The following SLC5A12 variants were observed in gnomAD, a reference collection of about 807,000 sequenced individuals.
SLC5A12 encodes solute carrier family 5 member 12, also known as sodium-coupled monocarboxylate transporter 2.
SLC5A12 carries 46 observed loss-of-function variants against 72.7 expected under a neutral mutation model. The observed-to-expected ratio is 0.63, with a 90% CI of 0.50 to 0.81. The LOEUF (loss-of-function observed/expected upper bound fraction) is 0.81. Among genes scored for constraint, SLC5A12 ranks in the 30% least tolerant of loss-of-function variants. The pLI is 0.00. For synonymous variants in SLC5A12, 275 were observed against 264.4 expected (o/e 1.04, Z -0.39); for missense variants, 683 against 740.7 (o/e 0.92, Z 0.90).
rs905384581 is a variant in SLC5A12 at position 26,670,560 on chromosome 11, T to A, written c.*542A>T. Reference sequence around the variant, plus strand: ...ACCTGACAGTGGTGGTGAAGGGAGGTTAATAGTAGTTGTATGCCAATTGTA... The same window carrying A: ...ACCTGACAGTGGTGGTGAAGGGAGGATAATAGTAGTTGTATGCCAATTGTA... On this transcript the variant is annotated 3_prime_UTR_variant, in exon 15 of 15. Coordinates refer to ENST00000396005, the MANE Select transcript of SLC5A12 (RefSeq NM_178498.4). The A allele has an allele frequency of 6.6e-6, 1 of 151,858 alleles. No homozygotes were observed. The highest frequency in any genetic ancestry group is 2.4e-5 in the African/African-American group (1 of 41,288). 9.4% of individuals were successfully genotyped at this position (151,858 alleles called of 1,614,324 possible). A position where few individuals can be genotyped will look rare whatever the true frequency, so the allele number is the denominator to read the frequency against.
chr11:26,692,276 A>G (rs1854698495), intron 9 of SLC5A12: 3 of 536,160 alleles, frequency 5.6e-6, no homozygotes, highest in Non-Finnish European at 1.0e-5. Flanking sequence ...AGAGTATCTG[A>G]AAATAAAGGC....
chr11:26,680,394 C>CATATAT lies in SLC5A12; in HGVS notation c.1475+655_1475+660dup, dbSNP rs34989102. Among the ~76,000 whole-genome samples, 214 of 76,112 alleles carry CATATAT rather than the reference C, an allele frequency of 2.8e-3. 9 individuals carry two copies. Among genetic ancestry groups the CATATAT allele is most frequent in the South Asian group, 4.6e-3 (11 of 2,380 alleles). 49.9% of individuals were successfully genotyped at this position (76,112 alleles called of 152,430 possible). On this transcript the variant is annotated intron_variant, in intron 12 of 14. Transcript: ENST00000396005. Reference sequence around the variant, plus strand: ...ATTCATATATATATGTATATATATTCATATATATATATATATTTCCTCATT... The same window carrying CATATAT: ...ATTCATATATATATGTATATATATTCATATATATATATATATATATATTTCCTCATT...
intron 4 of SLC5A12, among the ~76,000 whole-genome samples, chr11:26,706,523 T>G (rs1855093473): frequency 6.6e-6 from 1 of 151,978 alleles, no homozygotes; most frequent in African/African-American, 2.4e-5. Flanking sequence ...TTGTCCTACT[T>G]TTGCTATGCT....
chr11:26,699,913 A>T (rs1854917693), intron 6 of SLC5A12, among the ~76,000 whole-genome samples: 1 of 152,212 alleles, frequency 6.6e-6, no homozygotes, highest in African/African-American at 2.4e-5. Flanking sequence ...TTTTGGTAAG[A>T]AATAATGAAA....
rs115137776 is a variant in SLC5A12, at chr11:26,711,337, C to G, written c.427G>C (p.Val143Leu). 1 of 1,611,828 alleles carries G rather than the reference C, an allele frequency of 6.2e-7. No homozygotes were observed. The highest frequency in any genetic ancestry group is 1.7e-5 in the Admixed American group (1 of 59,800). Residue 143 changes from valine (V) to leucine (L), a missense_variant, in exon 3 of 15, where the codon GTG becomes CTG. Coordinates refer to ENST00000396005, the MANE Select transcript of SLC5A12 (RefSeq NM_178498.4). ...VQTILYTGVV[V>L]YAPALALNQV... is the part of the protein sequence containing the mutation. ...TTGAGTGCCAGGGCAGGAGCATACA[C>G]CACCACTCCTGTGTAGAGAATCTGG...
intron 1 of SLC5A12, among the ~76,000 whole-genome samples, chr11:26,719,121 T>C (rs1855419677): frequency 6.6e-6 from 1 of 152,190 alleles, no homozygotes; most frequent in Admixed American, 6.5e-5. Flanking sequence ...AAGCATGTAA[T>C]GAGCAGCACA....
intron 9 of SLC5A12, among the ~76,000 whole-genome samples, 168 bp from the exon 10 acceptor site, chr11:26,686,712 G>A (rs538597103): frequency 6.6e-6 from 1 of 152,228 alleles, no homozygotes; most frequent in Non-Finnish European, 1.5e-5. Context: ...GAGGCACTTA[G>A]GAAGTCTCTT....
In SLC5A12 at chr11:26,669,609, C is replaced by G. The variant is rs1854093327; in HGVS notation, c.*1493G>C. On this transcript the variant is annotated 3_prime_UTR_variant, in exon 15 of 15. Transcript: ENST00000396005. ...GGAGGGAGAGAAGGCAAGGATTGGG[C>G]TCTGTTTTATAAACTCCAGTTTCTC... 1 of 151,908 alleles carries G rather than the reference C, an allele frequency of 6.6e-6. No homozygotes were observed. Among genetic ancestry groups the G allele is most frequent in the South Asian group, 2.1e-4 (1 of 4,824 alleles). 9.4% of individuals were successfully genotyped at this position (151,908 alleles called of 1,614,324 possible).
rs749670322 is a variant in SLC5A12, at chr11:26,686,479, G to T, written c.1219C>A (p.Gln407Lys). The change falls in exon 10 of 15, where the codon CAG (glutamine) becomes AAG (lysine). Residue 407 changes from glutamine (Q) to lysine (K), a missense_variant and splice_region_variant. By Grantham distance (53) the Gln-to-Lys change is moderately conservative. Transcript: ENST00000396005. Reference protein sequence around the residue: ...VAASVMGGVVQASLSIHGMCG... With the variant: ...VAASVMGGVVKASLSIHGMCG... ...GTGTCTTTTCCTTCTTTCGTTACCT[G>T]CACAACACCTCCCATGACAGATGCA... The T allele has an allele frequency of 6.2e-7, 1 of 1,613,672 alleles. No homozygotes were observed. Among genetic ancestry groups the T allele is most frequent in the Admixed American group, 1.7e-5 (1 of 59,980 alleles).
intron 8 of SLC5A12, among the ~76,000 whole-genome samples, chr11:26,693,990 C>T (rs1854746810): frequency 6.6e-6 from 1 of 152,144 alleles, no homozygotes; most frequent in Admixed American, 6.6e-5. Context: ...ATCTTTGTCT[C>T]AATATACTTC....
chr11:26,695,281 A>G (rs1328857799), intron 8 of SLC5A12, among the ~76,000 whole-genome samples: 1 of 152,118 alleles, frequency 6.6e-6, no homozygotes, highest in Non-Finnish European at 1.5e-5. Context: ...ATAGAAGAAT[A>G]TAGAATGTAA....
Position 26,681,216 on chromosome 11 carries a change from T to C in SLC5A12, c.1314A>G (p.Ala438=), listed in dbSNP as rs773563583. The C allele has an allele frequency of 1.7e-5, 27 of 1,587,274 alleles. No homozygotes were observed. The highest frequency in any genetic ancestry group is 4.1e-5 in the African/African-American group (3 of 73,766). Residue 438 remains alanine (A), a synonymous_variant, in exon 12 of 15, where the codon GCA becomes GCG. Coordinates refer to ENST00000396005, the MANE Select transcript of SLC5A12 (RefSeq NM_178498.4). ...IVFPFVNWKG[A]LGGLLTGITL... Reference sequence around the variant, plus strand: ...TGATTCCAGTAAGAAGACCTCCTAGTGCACCCTGGATGAAGAAGAAAAAGG... The same window carrying C: ...TGATTCCAGTAAGAAGACCTCCTAGCGCACCCTGGATGAAGAAGAAAAAGG...
chr11:26,693,402 G>T (rs1476067432), intron 8 of SLC5A12, among the ~76,000 whole-genome samples: 1 of 152,176 alleles, frequency 6.6e-6, no homozygotes, highest in African/African-American at 2.4e-5. Flanking sequence ...AGGTAAGACT[G>T]GGAAGTAGCC....
chr11:26,703,417 C>A (rs943782431), intron 6 of SLC5A12, 114 bp downstream of exon 6: 10 of 720,904 alleles, frequency 1.4e-5, no homozygotes, highest in Non-Finnish European at 2.0e-5. Context: ...CTCTTACACA[C>A]ACATACATAC....
At chr11:26,707,081 C>T (rs1458030604) in intron 4 of SLC5A12, among the ~76,000 whole-genome samples, 1 of 151,786 alleles carries the variant, frequency 6.6e-6, no homozygotes, top group African/African-American at 2.4e-5. Context: ...ACATTCAACT[C>T]CTGAAAGATA....
chr11:26,711,928 G>A (rs1000757859), intron 2 of SLC5A12, among the ~76,000 whole-genome samples: 3 of 152,006 alleles, frequency 2.0e-5, no homozygotes, highest in Non-Finnish European at 2.9e-5. Flanking sequence ...GTCTCTATTC[G>A]GAATTTCACC....
At chr11:26,700,744 C>T (rs1355009127) in intron 6 of SLC5A12, among the ~76,000 whole-genome samples, 1 of 152,038 alleles carries the variant, frequency 6.6e-6, no homozygotes, top group East Asian at 1.9e-4. Flanking sequence ...CCAGGAAGCA[C>T]ATGTAAGTGT....
intron 4 of SLC5A12, among the ~76,000 whole-genome samples, chr11:26,704,198 T>A (rs1283867510): frequency 1.3e-5 from 2 of 152,132 alleles, no homozygotes; most frequent in African/African-American, 2.4e-5. Flanking sequence ...AAGATAGTGA[T>A]TTACTTAAAA....
At chr11:26,684,950 C>A (rs1854494861) in intron 10 of SLC5A12, among the ~76,000 whole-genome samples, 1 of 152,162 alleles carries the variant, frequency 6.6e-6, no homozygotes, top group Non-Finnish European at 1.5e-5. Context: ...ACAAACCTCA[C>A]CACCTTGCCA....
Sources: gnomAD v4.1 joint callset for allele counts (sites outside exome capture counted in the v4.1 genomes callset) on GRCh38, gnomAD v4.1.1 for gene constraint, MANE v1.5 for transcripts, NCBI Gene and HGNC (gene_info 2026-07-23, HGNC 2026-07-21) for gene names.